Variants in LRRC27 observed in about 807,000 individuals in gnomAD.
LRRC27 encodes leucine-rich repeat-containing protein 27.
Under a neutral mutation model 55.0 loss-of-function variants are expected in LRRC27, and 57 were observed. The observed-to-expected ratio is 1.04, with a 90% CI of 0.84 to 1.29. The LOEUF (loss-of-function observed/expected upper bound fraction) is 1.29. Ranked by LOEUF, LRRC27 falls within the 50% of genes most tolerant of loss-of-function variation. The pLI is 0.00. For missense variants in LRRC27, 721 were observed against 651.5 expected (o/e 1.11, Z -1.16); for synonymous variants, 278 against 251.9 (o/e 1.10, Z -0.98).
At chr10:132,370,255 T>C (rs1303678892) in intron 10 of LRRC27, among the ~76,000 whole-genome samples, 1 of 152,138 alleles carries the variant, frequency 6.6e-6, no homozygotes, top group Non-Finnish European at 1.5e-5. Flanking sequence ...TGATGAAGGG[T>C]TCACGTCACC....
Position 132,364,345 on chromosome 10 carries a change from T to TC in LRRC27, c.1290-1079_1290-1078insC, listed in dbSNP as rs2068809391. ...CCACACCCATGACCACACCCACACTTAATCTACCTCCACACCCGCGCTTAC... is the reference window on the plus strand; with the variant it reads ...CCACACCCATGACCACACCCACACTTCAATCTACCTCCACACCCGCGCTTAC... On this transcript the variant is annotated intron_variant, in intron 9 of 10. Transcript: ENST00000368614. 4.0e-3 allele frequency among the ~76,000 whole-genome samples: 6 copies of TC among 1,492 alleles called. 3 individuals carry two copies. Among genetic ancestry groups the TC allele is most frequent in the East Asian group, 0.042 (2 of 48 alleles). The allele number at this position is 1,492 out of a possible 152,430, so 1.0% of individuals were successfully genotyped here. A position where few individuals can be genotyped will look rare whatever the true frequency, so the allele number is the denominator to read the frequency against.
chr10:132,353,091 A>G, intron 7 of LRRC27: 3 of 1,509,684 alleles, frequency 2.0e-6, no homozygotes, highest in Non-Finnish European at 2.7e-6. Context: ...TCCGGCTGGC[A>G]TGGACCACAG....
Position 132,348,127 on chromosome 10 carries a change from C to T in LRRC27, c.697C>T (p.Pro233Ser), listed in dbSNP as rs764893188. 2.9e-5 allele frequency: 47 copies of T among 1,613,938 alleles called. No individual in the cohort carries two copies. The highest frequency in any genetic ancestry group is 3.7e-5 in the Non-Finnish European group (44 of 1,180,024). ...GATGAAAGAGAAGGCCAGCTTTCTC[C>T]CACCTGTGGAAAAGCCAGACCTGAG... ...AVMKEKASFL[P>S]PVEKPDLSEL... Residue 233 changes from proline (P) to serine (S), a missense_variant, in exon 6 of 11, where the codon CCA becomes TCA. Transcript: ENST00000368614. The surrounding 1 kb of genome is among the most constrained non-coding windows in gnomAD (Gnocchi z 4.2).
chr10:132,363,496 T>C (rs1216600164), intron 9 of LRRC27, among the ~76,000 whole-genome samples: 1 of 152,130 alleles, frequency 6.6e-6, no homozygotes, highest in Non-Finnish European at 1.5e-5. Context: ...ACTCTTCAGC[T>C]GGGCCCCTCC....
rs2069364671 is a variant in LRRC27 at position 132,378,346 on chromosome 10, T to C, written c.*3104T>C. On this transcript the variant is annotated 3_prime_UTR_variant, in exon 11 of 11. Transcript: ENST00000368614. ...GTATTTTTCTTGGAATATACAGAAC[T>C]CAAATCTGGGAGTTAGCATCTTTCA... 1 of 152,182 alleles carries C rather than the reference T, an allele frequency of 6.6e-6. No individual in the cohort carries two copies. The highest frequency in any genetic ancestry group is 1.5e-5 in the Non-Finnish European group (1 of 68,024). The allele number at this position is 152,182 out of a possible 1,614,324, so 9.4% of individuals were successfully genotyped here.
chr10:132,331,386 GTCATT>G (rs2066727366), upstream of LRRC27: 1 of 1,550,904 alleles, frequency 6.4e-7, no homozygotes, highest in Admixed American at 1.8e-5. Context: ...CCCGCCCGGT[GTCATT>G]TCATCTTCTT....
rs369989184 is a variant in LRRC27 at position 132,361,471 on chromosome 10, T to G, written c.1185T>G (p.Ile395Met). 6.2e-7 allele frequency: 1 copy of G among 1,612,992 alleles called. No individual in the cohort carries two copies. The highest frequency in any genetic ancestry group is 1.1e-5 in the South Asian group (1 of 91,058). Residue 395 changes from isoleucine to methionine, a missense_variant, in exon 9 of 11, where the codon ATT becomes ATG. Physicochemically the swap from Ile to Met is conservative, Grantham distance 10 (BLOSUM62 1). Coordinates refer to ENST00000368614, the MANE Select transcript of LRRC27 (RefSeq NM_030626.3). ...PPRRSMVASK[I>M]PSATDLIDNR... Reference sequence around the variant, plus strand: ...CATTTTCCTAGGTGGCATCAAAGATTCCCTCTGCCACAGATCTGATAGATA... The same window carrying G: ...CATTTTCCTAGGTGGCATCAAAGATGCCCTCTGCCACAGATCTGATAGATA...
intron 2 of LRRC27, among the ~76,000 whole-genome samples, chr10:132,335,566 T>A: frequency 6.8e-6 from 1 of 147,008 alleles, no homozygotes; most frequent in African/African-American, 2.5e-5. Context: ...CCTCATAGGC[T>A]GAGTACTATG....
chr10:132,369,573 C>T (rs1002592311), intron 10 of LRRC27, among the ~76,000 whole-genome samples: 3 of 122,350 alleles, frequency 2.5e-5, no homozygotes, highest in Admixed American at 2.4e-4. Flanking sequence ...ATCAGCAGAA[C>T]ACAAAAGGGT....
intron 3 of LRRC27, among the ~76,000 whole-genome samples, chr10:132,340,739 G>A (rs530801898): frequency 5.3e-5 from 8 of 151,972 alleles, no homozygotes; most frequent in African/African-American, 9.7e-5. Flanking sequence ...GCCGAGGTGG[G>A]CGGATCACAA....
At chr10:132,343,032 G>T (rs570383184) in intron 4 of LRRC27, among the ~76,000 whole-genome samples, 2 of 152,294 alleles carry the variant, frequency 1.3e-5, no homozygotes, top group East Asian at 3.9e-4. Flanking sequence ...TTGAGACCAC[G>T]CATAGTGGCT....
At chr10:132,364,754 A>ACCCTGGGG (rs1564854859) in intron 9 of LRRC27, among the ~76,000 whole-genome samples, 1 of 98,190 alleles carries the variant, frequency 1.0e-5, no homozygotes, top group Non-Finnish European at 2.0e-5. Context: ...CCACGCCCAC[A>ACCCTGGGG]CTTACACTCA....
At chr10:132,339,191 G>C (rs1202397275) in intron 3 of LRRC27, among the ~76,000 whole-genome samples, 1 of 152,204 alleles carries the variant, frequency 6.6e-6, no homozygotes, top group Non-Finnish European at 1.5e-5. Flanking sequence ...TATCCAGGGT[G>C]CCCCCAGTTC....
At chr10:132,371,909 C>T (rs1040218326) in intron 10 of LRRC27, among the ~76,000 whole-genome samples, 1 of 152,248 alleles carries the variant, frequency 6.6e-6, no homozygotes, top group African/African-American at 2.4e-5. Flanking sequence ...TCCACCTGGT[C>T]TCAGCTGCTG....
At chr10:132,364,444 C>CACACTCGCACTT (rs2068853822) in intron 9 of LRRC27, among the ~76,000 whole-genome samples, 1 of 149,826 alleles carries the variant, frequency 6.7e-6, no homozygotes, top group African/African-American at 2.5e-5. Flanking sequence ...CATCTACCTC[C>CACACTCGCACTT]ACACCCACAC....
chr10:132,360,824 C>A (rs2068579504), intron 8 of LRRC27, among the ~76,000 whole-genome samples: 1 of 152,162 alleles, frequency 6.6e-6, no homozygotes, highest in African/African-American at 2.4e-5. Flanking sequence ...TCCCTCCTAC[C>A]TGTTTTTGTC....
At chr10:132,330,308 A>T (rs2066624126), upstream of LRRC27, 1 of 633,546 alleles carries the variant, frequency 1.6e-6, no homozygotes, top group Non-Finnish European at 2.9e-6. Flanking sequence ...TAAATGTTTT[A>T]TTTGTGAAAA....
upstream of LRRC27, chr10:132,331,949 G>C (rs1159127026): frequency 1.7e-4 from 78 of 447,920 alleles, 1 homozygote; most frequent in African/African-American, 2.8e-3. Flanking sequence ...CCCCGCCCCA[G>C]CGCAGGCGCA....
intron 10 of LRRC27, among the ~76,000 whole-genome samples, chr10:132,373,492 AC>A (rs559670070): frequency 6.6e-5 from 10 of 152,228 alleles, no homozygotes; most frequent in Non-Finnish European, 1.5e-4. Context: ...AGAACCAGGC[AC>A]TGGGAGGGAG....
Sources: gnomAD v4.1 joint callset for allele counts (sites outside exome capture counted in the v4.1 genomes callset) on GRCh38, gnomAD v4.1.1 for gene constraint, Gnocchi (gnomAD v3.1) non-coding constraint, MANE v1.5 for transcripts, NCBI Gene and HGNC (gene_info 2026-07-23, HGNC 2026-07-21) for gene names.